Variants in ANKRD31 observed in about 807,000 individuals in gnomAD.
ANKRD31 encodes the protein ankyrin repeat domain-containing protein 31.
In ANKRD31, 147 loss-of-function variants were observed where a neutral mutation model predicts 186.0. The observed-to-expected ratio is 0.79, with a 90% CI of 0.69 to 0.91. The LOEUF (loss-of-function observed/expected upper bound fraction) is 0.91, where lower values mean the gene tolerates loss of function less well. Among genes scored for constraint, ANKRD31 ranks in the 40% least tolerant of loss-of-function variants. The pLI, the probability that ANKRD31 is intolerant of heterozygous loss-of-function variation, is 0.00. For missense variants in ANKRD31, 1,986 were observed against 2,148.8 expected (o/e 0.92, Z 1.50); for synonymous variants, 673 against 736.4 (o/e 0.91, Z 1.39).
In ANKRD31 at chr5:75,116,679, T is replaced by C; in HGVS notation, c.4042A>G (p.Lys1348Glu). 1 of 1,399,666 alleles carries C rather than the reference T, an allele frequency of 7.1e-7. No homozygotes were observed. The highest frequency in any genetic ancestry group is 9.3e-7 in the Non-Finnish European group (1 of 1,070,764). The allele number at this position is 1,399,666 out of a possible 1,614,324, so 86.7% of individuals were successfully genotyped here. Residue 1348 changes from lysine to glutamate, a missense_variant and splice_region_variant, in exon 19 of 26, where the codon AAA becomes GAA. Lys to Glu is a moderately conservative substitution (Grantham distance 56). Coordinates refer to ENST00000506364, the MANE Select transcript of ANKRD31 (RefSeq NM_001372053.1). ...RDESDAIVNE[K>E]IPAVRSKRHK... ...CTTTTAGACCGGACAGCAGGAATTT[T>C]TTCTTTAAAAAGTAAAATTAGAAAA...
At chr5:75,166,851 G>A (rs1752959208) in intron 11 of ANKRD31, among the ~76,000 whole-genome samples, 2 of 152,056 alleles carry the variant, frequency 1.3e-5, no homozygotes, top group Admixed American at 1.3e-4. Flanking sequence ...GAACAACATT[G>A]AGCTGATCAT....
chr5:75,145,841 T>G lies in ANKRD31; in HGVS notation c.3424+146A>C, dbSNP rs1003644527. 1.7e-5 allele frequency: 11 copies of G among 634,134 alleles called. No individual in the cohort carries two copies. The African/African-American group carries it at 2.0e-4, about 12-fold the overall frequency. 39.3% of individuals were successfully genotyped at this position (634,134 alleles called of 1,614,324 possible). On this transcript the variant is annotated intron_variant, in intron 14 of 25. Transcript: ENST00000506364. The stretch of plus-strand genomic sequence containing the variant: ...GAAGTAATCACTGTTACTTAACTAC[T>G]AGGTTTAGTGGCATCTCAAAATATG...
chr5:75,099,732 G>A (rs1746661210), intron 22 of ANKRD31, among the ~76,000 whole-genome samples: 5 of 152,152 alleles, frequency 3.3e-5, no homozygotes, highest in Admixed American at 3.3e-4. Flanking sequence ...GGTGTTTATA[G>A]TATTCTCTGA....
At chr5:75,193,651 A>G in intron 7 of ANKRD31, 60 bp from the exon 8 acceptor site, 1 of 1,441,240 alleles carries the variant, frequency 6.9e-7, no homozygotes, top group Non-Finnish European at 9.1e-7. Flanking sequence ...TTAAAACTAT[A>G]AGAAGTTAAA....
intron 19 of ANKRD31, 66 bp downstream of exon 19, chr5:75,116,500 T>A (rs562498025): frequency 3.1e-6 from 3 of 979,632 alleles, no homozygotes; most frequent in South Asian, 7.6e-5. Flanking sequence ...AGCCAATAAC[T>A]AACTGGCTGG....
At chr5:75,096,402 T>C (rs1746320272) in intron 22 of ANKRD31, among the ~76,000 whole-genome samples, 1 of 152,212 alleles carries the variant, frequency 6.6e-6, no homozygotes, top group Non-Finnish European at 1.5e-5. Flanking sequence ...CCTTGTAGAT[T>C]CTGGATTAGA....
chr5:75,166,681 C>T (rs138903532), intron 11 of ANKRD31, among the ~76,000 whole-genome samples: 39 of 152,186 alleles, frequency 2.6e-4, no homozygotes, highest in African/African-American at 8.2e-4. Flanking sequence ...ATTTCAATGC[C>T]ATTACCTTTA....
chr5:75,083,337 C>G (rs1745225593), intron 24 of ANKRD31, among the ~76,000 whole-genome samples: 1 of 152,030 alleles, frequency 6.6e-6, no homozygotes. Context: ...ATAATAATTC[C>G]ACTCCTAGGC....
chr5:75,229,879 A>AAAAAAAAAC (rs1252202930), intron 2 of ANKRD31, among the ~76,000 whole-genome samples: 1 of 87,372 alleles, frequency 1.1e-5, no homozygotes, highest in Non-Finnish European at 1.9e-5. Context: ...AAAAAAAAAA[A>AAAAAAAAAC]AAAAAAAACA....
intron 17 of ANKRD31, among the ~76,000 whole-genome samples, chr5:75,131,557 T>C (rs919063212): frequency 2.6e-5 from 4 of 152,328 alleles, no homozygotes; most frequent in African/African-American, 9.6e-5. Flanking sequence ...GAAGGCTGCC[T>C]GCCTCTGTAG....
rs926611359 is a variant in ANKRD31 at position 75,154,193 on chromosome 5, A to C, written c.1852+8T>G. On this transcript the variant is annotated splice_region_variant and intron_variant, in intron 12 of 25. Coordinates refer to ENST00000506364, the MANE Select transcript of ANKRD31 (RefSeq NM_001372053.1). Reference sequence around the variant, plus strand: ...ACAAATAGCTATTACAGGGCAGTTTAATCTTACCTGATGTAAGGCATTTTT... The same window carrying C: ...ACAAATAGCTATTACAGGGCAGTTTCATCTTACCTGATGTAAGGCATTTTT... 1 of 1,502,094 alleles carries C rather than the reference A, an allele frequency of 6.7e-7. No homozygotes were observed. The highest frequency in any genetic ancestry group is 1.4e-5 in the African/African-American group (1 of 71,748). 93.0% of individuals were successfully genotyped at this position (1,502,094 alleles called of 1,614,324 possible). A position where few individuals can be genotyped will look rare whatever the true frequency, so the allele number is the denominator to read the frequency against.
intron 17 of ANKRD31, 29 bp downstream of exon 17, chr5:75,137,827 G>C (rs1750713656): frequency 1.4e-6 from 2 of 1,388,472 alleles, no homozygotes; most frequent in Middle Eastern, 1.9e-4. Flanking sequence ...AGAAAAAGTA[G>C]TAAGATCTTA....
At chr5:75,072,289 T>C (rs1159553733) in intron 25 of ANKRD31, among the ~76,000 whole-genome samples, 1 of 152,158 alleles carries the variant, frequency 6.6e-6, no homozygotes, top group African/African-American at 2.4e-5. Flanking sequence ...TAAAGAGATA[T>C]AAATCAAAGT....
intron 2 of ANKRD31, among the ~76,000 whole-genome samples, chr5:75,222,987 T>C (rs1309063221): frequency 6.6e-6 from 1 of 152,198 alleles, no homozygotes; most frequent in East Asian, 1.9e-4. Context: ...TCAAATGGTA[T>C]TTCTAGTTCT....
chr5:75,088,496 A>G (rs1745674268), intron 23 of ANKRD31, among the ~76,000 whole-genome samples: 1 of 152,232 alleles, frequency 6.6e-6, no homozygotes, highest in Non-Finnish European at 1.5e-5. Context: ...CTGCAACTGT[A>G]TCACAGAAAG....
chr5:75,099,689 T>C (rs976439453), intron 22 of ANKRD31, among the ~76,000 whole-genome samples: 23 of 152,226 alleles, frequency 1.5e-4, no homozygotes, highest in African/African-American at 5.3e-4. Context: ...AATTTATCCA[T>C]TTCTTCTAGA....
chr5:75,122,528 C>T (rs1486144909), intron 17 of ANKRD31, among the ~76,000 whole-genome samples: 1 of 151,956 alleles, frequency 6.6e-6, no homozygotes, highest in African/African-American at 2.4e-5. Flanking sequence ...TGCAGAAACC[C>T]TTAACAAAAT....
intron 9 of ANKRD31, among the ~76,000 whole-genome samples, chr5:75,192,166 A>G (rs945719978): frequency 2.6e-5 from 4 of 152,146 alleles, no homozygotes; most frequent in Non-Finnish European, 5.9e-5. Context: ...TACCTCTGAT[A>G]CAATATTATT....
chr5:75,179,845 C>G (rs557262436), intron 10 of ANKRD31, among the ~76,000 whole-genome samples: 2 of 152,268 alleles, frequency 1.3e-5, no homozygotes, highest in East Asian at 3.9e-4. Flanking sequence ...CCCTCTCTCA[C>G]CACTCCTATT....
Sources: allele counts gnomAD v4.1 joint callset (sites outside exome capture counted in the v4.1 genomes callset), GRCh38; gene constraint gnomAD v4.1.1; transcripts MANE v1.5; gene names NCBI Gene and HGNC (gene_info 2026-07-23, HGNC 2026-07-21).